XPR1: variants seen among roughly 807,000 people sequenced by gnomAD.
The protein encoded by XPR1 is xenotropic and polytropic retrovirus receptor 1.
Under a neutral mutation model 87.5 loss-of-function variants are expected in XPR1, and 28 were observed. The observed-to-expected ratio is 0.32, with a 90% CI of 0.24 to 0.44. The LOEUF is 0.44. XPR1 is among the 20% of genes least tolerant of loss of function. XPR1 has a pLI of 1.00. For synonymous variants in XPR1, 300 were observed against 306.1 expected (o/e 0.98, Z 0.21); for missense variants, 559 against 862.3 (o/e 0.65, Z 4.41).
At chr1:180,866,879 G>A (rs888123378) in intron 12 of XPR1, among the ~76,000 whole-genome samples, 3 of 122,730 alleles carry the variant, frequency 2.4e-5, no homozygotes, top group African/African-American at 9.8e-5. Flanking sequence ...AGTTACATAT[G>A]TATACATGTG....
rs1001640002 is a variant in XPR1, at chr1:180,887,839, C to G, written c.*3773C>G. The G allele has an allele frequency of 6.6e-6, 1 of 152,204 alleles. No individual in the cohort carries two copies. The highest frequency in any genetic ancestry group is 1.5e-5 in the Non-Finnish European group (1 of 68,030). 9.4% of individuals were successfully genotyped at this position (152,204 alleles called of 1,614,324 possible). A position where few individuals can be genotyped will look rare whatever the true frequency, so the allele number is the denominator to read the frequency against. On this transcript the variant is annotated 3_prime_UTR_variant, in exon 15 of 15. Transcript: ENST00000367590. ...TGATGTATATTATCTTTCCACCATGCTTTGACCAAAGTACATTCACAGTAA... is the reference window on the plus strand; with the variant it reads ...TGATGTATATTATCTTTCCACCATGGTTTGACCAAAGTACATTCACAGTAA...
At chr1:180,736,835 C>T (rs773964154) in intron 2 of XPR1, among the ~76,000 whole-genome samples, 6 of 151,974 alleles carry the variant, frequency 3.9e-5, no homozygotes, top group African/African-American at 1.2e-4. Context: ...AGCAGGTATA[C>T]GCAGATTTAC....
intron 9 of XPR1, among the ~76,000 whole-genome samples, chr1:180,829,349 A>G (rs1467979803): frequency 2.0e-5 from 3 of 152,168 alleles, no homozygotes; most frequent in African/African-American, 4.8e-5. Flanking sequence ...ACTTTAATCA[A>G]AATCACAGGG....
At chr1:180,639,435 A>C (rs1209460248) in intron 1 of XPR1, among the ~76,000 whole-genome samples, 1 of 152,254 alleles carries the variant, frequency 6.6e-6, no homozygotes, top group Non-Finnish European at 1.5e-5. Flanking sequence ...GTCATCTTTT[A>C]TTAATTGAGG....
chr1:180,820,854 T>C (rs1430107643), intron 7 of XPR1, among the ~76,000 whole-genome samples: 1 of 152,178 alleles, frequency 6.6e-6, no homozygotes, highest in Non-Finnish European at 1.5e-5. Context: ...TCATTGGCCA[T>C]TTATATATAT....
intron 9 of XPR1, among the ~76,000 whole-genome samples, chr1:180,834,214 T>C (rs1651189657): frequency 6.6e-6 from 1 of 152,090 alleles, no homozygotes; most frequent in African/African-American, 2.4e-5. Flanking sequence ...CCCAAGTAGC[T>C]GGGACTACAG....
Position 180,678,962 on chromosome 1 carries a change from G to A in XPR1, c.70-3398G>A, listed in dbSNP as rs946646276. On this transcript the variant is annotated intron_variant, in intron 1 of 14. Coordinates refer to ENST00000367590, the MANE Select transcript of XPR1 (RefSeq NM_004736.4). ...TGTAATCCCAGCACTTTAGGAGGCC[G>A]AGGCGGGTGGATCACGAGGTCAGGA... 5.3e-5 allele frequency among the ~76,000 whole-genome samples: 8 copies of A among 152,042 alleles called. No individual in the cohort carries two copies. In the East Asian group the frequency reaches 1.2e-3, roughly 22 times the overall value.
intron 2 of XPR1, among the ~76,000 whole-genome samples, chr1:180,706,495 T>G (rs944109670): frequency 3.3e-5 from 5 of 152,236 alleles, no homozygotes; most frequent in African/African-American, 1.2e-4. Flanking sequence ...TGACCCAGAA[T>G]ATGCATAGAA....
chr1:180,861,398 T>A (rs966263382), intron 11 of XPR1, among the ~76,000 whole-genome samples: 4 of 152,124 alleles, frequency 2.6e-5, no homozygotes, highest in Non-Finnish European at 5.9e-5. Flanking sequence ...GTATCTTTTT[T>A]AATGTAGCCA....
At position 180,672,836 on chromosome 1, in the gene XPR1, C is replaced by T. The variant is rs967199638; in HGVS notation, c.70-9524C>T. Among the ~76,000 whole-genome samples, 3 of 151,898 alleles carry T rather than the reference C, an allele frequency of 2.0e-5. No homozygotes were observed. In the East Asian group the frequency reaches 5.9e-4, roughly 30 times the overall value. The stretch of plus-strand genomic sequence containing the variant: ...AAGGTTTCCATTTGGAAAGGTTGTT[C>T]AGATAAAAAAGTATCTGTTGTAATT... On this transcript the variant is annotated intron_variant, in intron 1 of 14. Coordinates refer to ENST00000367590, the MANE Select transcript of XPR1 (RefSeq NM_004736.4).
At chr1:180,744,530 G>A (rs971432255) in intron 2 of XPR1, among the ~76,000 whole-genome samples, 1 of 151,492 alleles carries the variant, frequency 6.6e-6, no homozygotes, top group Non-Finnish European at 1.5e-5. Flanking sequence ...CAGGTTATTT[G>A]TATGCCAGGT....
chr1:180,841,852 C>T (rs1164228193), intron 11 of XPR1, among the ~76,000 whole-genome samples: 2 of 151,562 alleles, frequency 1.3e-5, no homozygotes, highest in African/African-American at 4.9e-5. Flanking sequence ...AATTTTTAAC[C>T]AAAAAGCTTA....
At chr1:180,675,138 C>T (rs749502742) in intron 1 of XPR1, among the ~76,000 whole-genome samples, 2 of 151,938 alleles carry the variant, frequency 1.3e-5, no homozygotes. Flanking sequence ...TTTATTTTAC[C>T]AAGTTTAAGA....
chr1:180,781,354 AGAAAATTGAGAATAGTAAT>A (rs1437978455), intron 2 of XPR1, among the ~76,000 whole-genome samples: 1 of 152,074 alleles, frequency 6.6e-6, no homozygotes, highest in Non-Finnish European at 1.5e-5. Context: ...CTGGAAATTA[AGAAAATTGAGAATAGTAAT>A]GAAAATTTGA....
rs1210604913 is a variant in XPR1, at chr1:180,888,756, C to T, written c.*4690C>T. ...AAGTCAGTCTTGATAGTAAATCCTA[C>T]AAACTCTCAACTTTCTGCATTGTAT... On this transcript the variant is annotated 3_prime_UTR_variant, in exon 15 of 15. Coordinates refer to ENST00000367590, the MANE Select transcript of XPR1 (RefSeq NM_004736.4). The T allele has an allele frequency of 6.6e-6, 1 of 152,222 alleles. No homozygotes were observed. The highest frequency in any genetic ancestry group is 2.4e-5 in the African/African-American group (1 of 41,456). The allele number at this position is 152,222 out of a possible 1,614,324, so 9.4% of individuals were successfully genotyped here.
rs1193315795 is a variant in XPR1 at position 180,656,081 on chromosome 1, A to G, written c.69+23811A>G. ...TTTTTATAACTATTTTTTGGTACCC[A>G]TTAACTATCTGCCCCCCAATACCCT... On this transcript the variant is annotated intron_variant, in intron 1 of 14. Coordinates refer to ENST00000367590, the MANE Select transcript of XPR1 (RefSeq NM_004736.4). Among the ~76,000 whole-genome samples, 4 of 151,426 alleles carry G rather than the reference A, an allele frequency of 2.6e-5. No individual in the cohort carries two copies. The East Asian group carries it at 5.8e-4, about 22-fold the overall frequency.
At chr1:180,688,468 A>T (rs1282223395) in intron 2 of XPR1, among the ~76,000 whole-genome samples, 2 of 152,074 alleles carry the variant, frequency 1.3e-5, no homozygotes, top group Non-Finnish European at 2.9e-5. Context: ...TAAATATAGA[A>T]TACATGGCAG....
chr1:180,836,444 A>C, intron 10 of XPR1, 78 bp from the exon 11 acceptor site: 1 of 1,527,260 alleles, frequency 6.5e-7, no homozygotes, highest in South Asian at 1.2e-5. Flanking sequence ...ACTTGGTATT[A>C]GCTACACTAT....
chr1:180,781,332 T>C (rs1375377827), intron 2 of XPR1, among the ~76,000 whole-genome samples: 2 of 152,006 alleles, frequency 1.3e-5, no homozygotes, highest in Non-Finnish European at 2.9e-5. Flanking sequence ...CCATCCTCCA[T>C]GTCTCACAGA....
Sources: gnomAD v4.1 joint callset for allele counts (sites outside exome capture counted in the v4.1 genomes callset) on GRCh38, gnomAD v4.1.1 for gene constraint, MANE v1.5 for transcripts, NCBI Gene and HGNC (gene_info 2026-07-23, HGNC 2026-07-21) for gene names.